DLC1: variants seen among roughly 807,000 people sequenced by gnomAD.
DLC1 encodes the protein rho GTPase-activating protein 7.
Under a neutral mutation model 140.3 loss-of-function variants are expected in DLC1, and 54 were observed. The observed-to-expected ratio is 0.38, with a 90% confidence interval of 0.31 to 0.48. The LOEUF (loss-of-function observed/expected upper bound fraction) is 0.48, where lower values mean the gene tolerates loss of function less well. Ranked by LOEUF, DLC1 falls within the 20% of genes least tolerant of loss-of-function variation. DLC1 has a pLI of 0.96. For synonymous variants in DLC1, 986 were observed against 728.1 expected, an observed-to-expected ratio of 1.35 and a Z score of -5.70; for missense variants, 2,536 against 1,907.0, an observed-to-expected ratio of 1.33 and a Z score of -6.14.
chr8:13,114,518 A>G (rs1820380094), intron 6 of DLC1, among the ~76,000 whole-genome samples: 1 of 152,028 alleles, frequency 6.6e-6, no homozygotes, highest in Non-Finnish European at 1.5e-5. Flanking sequence ...TTCAGCACAG[A>G]TCCTATTTTT....
At chr8:13,307,001 T>C (rs1310525849) in intron 4 of DLC1, among the ~76,000 whole-genome samples, 2 of 147,696 alleles carry the variant, frequency 1.4e-5, no homozygotes, top group Admixed American at 1.4e-4. Context: ...GGAGAACCTC[T>C]TGAACCCGGG....
chr8:13,231,104 G>T (rs1829027390), intron 5 of DLC1, among the ~76,000 whole-genome samples: 1 of 152,068 alleles, frequency 6.6e-6, no homozygotes, highest in Non-Finnish European at 1.5e-5. Context: ...CAAAAGTGGG[G>T]CCTGGTCTGT....
intron 7 of DLC1, among the ~76,000 whole-genome samples, chr8:13,104,555 C>T (rs1204152239): frequency 6.6e-6 from 1 of 152,172 alleles, no homozygotes; most frequent in African/African-American, 2.4e-5. Context: ...CTGCTATCAC[C>T]AGTTTTCTAG....
At chr8:13,110,675 A>G (rs940651350) in intron 7 of DLC1, 67 bp downstream of exon 7, 3 of 1,440,596 alleles carry the variant, frequency 2.1e-6, no homozygotes, top group Non-Finnish European at 2.9e-6. Flanking sequence ...AACAAAGCCT[A>G]TCTTTGTGAG....
At chr8:13,467,036 C>T (rs919224164) in intron 2 of DLC1, among the ~76,000 whole-genome samples, 1 of 152,058 alleles carries the variant, frequency 6.6e-6, no homozygotes, top group African/African-American at 2.4e-5. Context: ...ATATGTTTCA[C>T]TCATGTTTCA....
At chr8:13,165,711 C>T (rs905170504) in intron 5 of DLC1, among the ~76,000 whole-genome samples, 4 of 152,230 alleles carry the variant, frequency 2.6e-5, no homozygotes, top group Non-Finnish European at 4.4e-5. Context: ...TCGGCCTCTA[C>T]ACCTTCCTGT....
intron 5 of DLC1, among the ~76,000 whole-genome samples, chr8:13,198,795 C>T (rs533079988): frequency 2.0e-5 from 3 of 151,784 alleles, no homozygotes; most frequent in Admixed American, 2.0e-4. Flanking sequence ...TGGCTCACTG[C>T]AACCCCTACC....
intron 1 of DLC1, among the ~76,000 whole-genome samples, chr8:13,577,099 C>A (rs570782971): frequency 8.6e-5 from 13 of 152,026 alleles, no homozygotes; most frequent in African/African-American, 3.1e-4. Context: ...CCATGGGGCA[C>A]CATTAATTCT....
intron 4 of DLC1, among the ~76,000 whole-genome samples, chr8:13,346,465 C>T (rs903398692): frequency 6.6e-6 from 1 of 152,232 alleles, no homozygotes; most frequent in Non-Finnish European, 1.5e-5. Context: ...ACTCTGAAAT[C>T]ATTTTCTCAC....
At chr8:13,560,111 T>G (rs2117378871) in intron 1 of DLC1, among the ~76,000 whole-genome samples, 1 of 152,340 alleles carries the variant, frequency 6.6e-6, no homozygotes, top group South Asian at 2.1e-4. Context: ...GTGAAGTTGC[T>G]TTGCTACTCT....
intron 1 of DLC1, among the ~76,000 whole-genome samples, chr8:13,545,686 A>G (rs1028526912): frequency 1.3e-5 from 2 of 152,104 alleles, no homozygotes; most frequent in Admixed American, 1.3e-4. Context: ...TGAATTTGGA[A>G]TCTGAATATT....
intron 5 of DLC1, among the ~76,000 whole-genome samples, chr8:13,219,638 T>G (rs1585938555): frequency 6.6e-6 from 1 of 151,930 alleles, no homozygotes; most frequent in East Asian, 1.9e-4. Context: ...TGGAGATATT[T>G]TTGGAGATAT....
chr8:13,441,986 G>C (rs1467096579), intron 2 of DLC1, among the ~76,000 whole-genome samples: 1 of 152,112 alleles, frequency 6.6e-6, no homozygotes, highest in African/African-American at 2.4e-5. Context: ...AAAACAGCAT[G>C]GTACTGGTAC....
intron 5 of DLC1, among the ~76,000 whole-genome samples, chr8:13,157,036 C>A (rs1488252396): frequency 6.6e-6 from 1 of 152,130 alleles, no homozygotes; most frequent in Non-Finnish European, 1.5e-5. Context: ...GGTGTTCACG[C>A]AGAACCTTGA....
At chr8:13,427,580 A>C (rs1270266542) in intron 2 of DLC1, among the ~76,000 whole-genome samples, 1 of 151,724 alleles carries the variant, frequency 6.6e-6, no homozygotes, top group East Asian at 1.9e-4. Flanking sequence ...TTCCTCCTCT[A>C]CCTCGAAATA....
intron 4 of DLC1, among the ~76,000 whole-genome samples, chr8:13,364,456 G>A (rs984711672): frequency 6.6e-6 from 1 of 152,024 alleles, no homozygotes; most frequent in Non-Finnish European, 1.5e-5. Flanking sequence ...GTGCCACCAC[G>A]CCAGGCTAAT....
chr8:13,556,498 G>T (rs917296497), intron 1 of DLC1, among the ~76,000 whole-genome samples: 1 of 152,186 alleles, frequency 6.6e-6, no homozygotes, highest in Non-Finnish European at 1.5e-5. Flanking sequence ...TCCAGACAAG[G>T]TGCCTTCCTG....
intron 2 of DLC1, among the ~76,000 whole-genome samples, chr8:13,461,815 C>T (rs1386839652): frequency 2.0e-5 from 3 of 152,172 alleles, no homozygotes; most frequent in African/African-American, 7.2e-5. Flanking sequence ...TGCCGATGCT[C>T]TTCGTTACCC....
At chr8:13,503,569 G>T (rs755264886) in intron 1 of DLC1, among the ~76,000 whole-genome samples, 1 of 152,146 alleles carries the variant, frequency 6.6e-6, no homozygotes, top group Non-Finnish European at 1.5e-5. Flanking sequence ...TCTTAGAAAA[G>T]AAGAGCTTGA....
Sources: gnomAD v4.1 joint callset for allele counts (sites outside exome capture counted in the v4.1 genomes callset) on GRCh38, gnomAD v4.1.1 for gene constraint, MANE v1.5 for transcripts, NCBI Gene and HGNC (gene_info 2026-07-23, HGNC 2026-07-21) for gene names.